TOX: variants seen among roughly 807,000 people sequenced by gnomAD.
The protein encoded by TOX is thymocyte selection associated high mobility group box, also known as thymocyte selection-associated high mobility group box protein TOX.
In TOX, 11 loss-of-function variants were observed where a neutral mutation model predicts 53.7. The ratio of observed to expected loss-of-function variants is 0.20; its 90% CI spans 0.13 to 0.34. TOX has a LOEUF of 0.34. TOX is among the 10% of genes least tolerant of loss of function. The pLI is 1.00. For synonymous variants in TOX, 225 were observed against 245.3 expected, an observed-to-expected ratio of 0.92 and a Z score of 0.77; for missense variants, 570 against 664.6, an observed-to-expected ratio of 0.86 and a Z score of 1.56.
chr8:58,818,879 T>C (rs942283170), intron 6 of TOX, among the ~76,000 whole-genome samples: 1 of 152,212 alleles, frequency 6.6e-6, no homozygotes, highest in African/African-American at 2.4e-5. Flanking sequence ...CTTGGGGGAA[T>C]GGCAGTAGCA....
chr8:59,009,290 C>T (rs1048435305), intron 1 of TOX, among the ~76,000 whole-genome samples: 1 of 151,604 alleles, frequency 6.6e-6, no homozygotes, highest in Non-Finnish European at 1.5e-5. Flanking sequence ...CCCTCCTTGG[C>T]CCTTCAGTCT....
At chr8:58,881,433 T>G (rs1414590365) in intron 3 of TOX, among the ~76,000 whole-genome samples, 1 of 151,982 alleles carries the variant, frequency 6.6e-6, no homozygotes, top group African/African-American at 2.4e-5. Flanking sequence ...CATTAAGACG[T>G]AGAGAGTAAG....
At chr8:58,825,792 T>C (rs1241831170) in intron 6 of TOX, among the ~76,000 whole-genome samples, 1 of 152,222 alleles carries the variant, frequency 6.6e-6, no homozygotes, top group Non-Finnish European at 1.5e-5. Flanking sequence ...ATGTAATACA[T>C]GCAGAAATGT....
At chr8:58,891,355 A>G (rs1450563257) in intron 3 of TOX, among the ~76,000 whole-genome samples, 3 of 152,172 alleles carry the variant, frequency 2.0e-5, no homozygotes, top group African/African-American at 7.2e-5. Context: ...AATAAAGAGC[A>G]GGGGAGGAGT....
rs753282800 is a variant in TOX, at chr8:58,851,664, A to T, written c.553T>A (p.Ser185Thr). 1.9e-6 allele frequency: 3 copies of T among 1,613,656 alleles called. No individual in the cohort carries two copies. Residue 185 changes from serine (S) to threonine (T), a missense_variant, in exon 4 of 9, where the codon TCA becomes ACA. This residue lies in a region of TOX where 282 missense variants were observed against 315.0 expected (regional missense o/e 0.90). Coordinates refer to ENST00000361421, the MANE Select transcript of TOX (RefSeq NM_014729.3). The surrounding 1 kb of genome is among the most constrained non-coding windows in gnomAD (Gnocchi z 4.4). Reference protein sequence around the residue: ...PHGQLTTINQSQLSAQLGLNM... With the variant: ...PHGQLTTINQTQLSAQLGLNM... ...AAACCAAGTTGAGCACTTAGCTGTG[A>T]CTGGTTAATGGTAGTCAGCTGGCCA...
chr8:59,035,100 C>A (rs1365636648), intron 1 of TOX, among the ~76,000 whole-genome samples: 1 of 152,070 alleles, frequency 6.6e-6, no homozygotes, highest in East Asian at 1.9e-4. Context: ...CCGCAACCAC[C>A]CCAGTTTATC....
intron 2 of TOX, among the ~76,000 whole-genome samples, chr8:58,941,395 C>T (rs1303827481): frequency 6.6e-6 from 1 of 152,136 alleles, no homozygotes; most frequent in Non-Finnish European, 1.5e-5. Context: ...AATTGAGACT[C>T]AGAAATTAAA....
chr8:59,110,176 T>C (rs1804988050), intron 1 of TOX, among the ~76,000 whole-genome samples: 1 of 152,142 alleles, frequency 6.6e-6, no homozygotes, highest in African/African-American at 2.4e-5. Flanking sequence ...AGGAAGTCAT[T>C]AACATAAAAT....
intron 1 of TOX, among the ~76,000 whole-genome samples, chr8:59,069,973 C>A (rs380620): frequency 2.6e-5 from 4 of 151,956 alleles, no homozygotes; most frequent in Non-Finnish European, 4.4e-5. Flanking sequence ...GTATAGCGCC[C>A]GGTGGGAAAG....
At chr8:58,871,234 T>G (rs969040581) in intron 3 of TOX, among the ~76,000 whole-genome samples, 9 of 150,048 alleles carry the variant, frequency 6.0e-5, no homozygotes, top group African/African-American at 2.2e-4. Flanking sequence ...ACAGTAAACA[T>G]TGGTTGCCAT....
intron 3 of TOX, among the ~76,000 whole-genome samples, chr8:58,909,320 T>G (rs1307794680): frequency 1.3e-5 from 2 of 152,200 alleles, no homozygotes; most frequent in Non-Finnish European, 2.9e-5. Flanking sequence ...GTAACAGGCC[T>G]GCACGTCCTG....
chr8:58,919,145 G>C (rs1211167182), intron 3 of TOX, among the ~76,000 whole-genome samples: 6 of 151,586 alleles, frequency 4.0e-5, no homozygotes, highest in Admixed American at 2.6e-4. Flanking sequence ...GTAATTTACA[G>C]ATTCAATGCC....
intron 4 of TOX, among the ~76,000 whole-genome samples, chr8:58,840,603 A>G (rs980857703): frequency 2.0e-5 from 3 of 152,094 alleles, no homozygotes; most frequent in Non-Finnish European, 4.4e-5. Context: ...CCTCAGTCAC[A>G]CCCTCTGAAC....
At chr8:58,819,927 T>C (rs1198937685) in intron 6 of TOX, among the ~76,000 whole-genome samples, 7 of 152,222 alleles carry the variant, frequency 4.6e-5, no homozygotes, top group Admixed American at 1.3e-4. Context: ...TACTCAATTG[T>C]GCATTGCTCC....
chr8:58,942,008 G>C (rs7827417), intron 2 of TOX, among the ~76,000 whole-genome samples: 1 of 149,008 alleles, frequency 6.7e-6, no homozygotes, highest in African/African-American at 2.5e-5. Flanking sequence ...AGCTGAGAGC[G>C]TGCCACGACA....
intron 1 of TOX, among the ~76,000 whole-genome samples, chr8:59,089,719 G>T (rs977937079): frequency 1.3e-5 from 2 of 152,194 alleles, no homozygotes; most frequent in Non-Finnish European, 2.9e-5. Context: ...CTCCCCAGTC[G>T]CTGGGATCAC....
intron 1 of TOX, among the ~76,000 whole-genome samples, chr8:59,008,983 A>G (rs1284787698): frequency 6.6e-6 from 1 of 152,050 alleles, no homozygotes; most frequent in Admixed American, 6.6e-5. Flanking sequence ...CTTTTGGTTT[A>G]AATTCCCTCC....
At chr8:58,987,572 C>T (rs565851300) in intron 1 of TOX, among the ~76,000 whole-genome samples, 7 of 152,250 alleles carry the variant, frequency 4.6e-5, no homozygotes, top group South Asian at 4.2e-4. Flanking sequence ...TGATTGGAGC[C>T]GGAAGAGTCT....
intron 6 of TOX, among the ~76,000 whole-genome samples, chr8:58,819,429 T>C (rs1810235114): frequency 6.6e-6 from 1 of 152,234 alleles, no homozygotes; most frequent in South Asian, 2.1e-4. Flanking sequence ...GTGTTCTTGC[T>C]GTTAGTTTCT....
Sources: allele counts gnomAD v4.1 joint callset (sites outside exome capture counted in the v4.1 genomes callset), GRCh38; gene constraint gnomAD v4.1.1; regional missense constraint gnomAD v4.1.1; non-coding constraint Gnocchi (gnomAD v3.1); transcripts MANE v1.5; gene names NCBI Gene and HGNC (gene_info 2026-07-23, HGNC 2026-07-21).